Variants in COG5 observed in about 807,000 individuals in gnomAD.
The protein encoded by COG5 is component of oligomeric golgi complex 5.
In COG5, 86 loss-of-function variants were observed where a neutral mutation model predicts 110.4. That is an observed-to-expected ratio of 0.78 (90% confidence interval 0.65 to 0.93). The LOEUF (loss-of-function observed/expected upper bound fraction) is 0.93, where lower values mean the gene tolerates loss of function less well. Ranked by LOEUF, COG5 falls within the 40% of genes least tolerant of loss-of-function variation. The probability of loss-of-function intolerance (pLI) is 0.00; values close to 1 mark genes in which losing one functional copy is unlikely to be tolerated. For synonymous variants in COG5, 360 were observed against 334.6 expected, an observed-to-expected ratio of 1.08 and a Z score of -0.83; for missense variants, 1,077 against 987.0, an observed-to-expected ratio of 1.09 and a Z score of -1.22.
Position 107,248,513 on chromosome 7 carries a change from AGAAAG to A in COG5, c.1750-19_1750-15del. 5 of 1,526,692 alleles carry A rather than the reference AGAAAG, an allele frequency of 3.3e-6. No individual in the cohort carries two copies. The highest frequency in any genetic ancestry group is 2.7e-6 in the Non-Finnish European group (3 of 1,108,840). The allele number at this position is 1,526,692 out of a possible 1,614,324, so 94.6% of individuals were successfully genotyped here. A position where few individuals can be genotyped will look rare whatever the true frequency, so the allele number is the denominator to read the frequency against. On this transcript the variant is annotated splice_polypyrimidine_tract_variant and intron_variant, in intron 16 of 21. Transcript: ENST00000297135. ...AGCATGAATAGCCTAAAAAAAAAAAAGAAAGAAAAAAAAGAAGAGGCAAGATTAAA... is the reference window on the plus strand; with the variant it reads ...AGCATGAATAGCCTAAAAAAAAAAAAAAAAAAAAGAAGAGGCAAGATTAAA...
chr7:107,556,416 A>G (rs1803324712), intron 2 of COG5, among the ~76,000 whole-genome samples: 1 of 152,190 alleles, frequency 6.6e-6, no homozygotes, highest in South Asian at 2.1e-4. Flanking sequence ...CTAGGCCACT[A>G]CAACTTCTCC....
At chr7:107,498,559 C>A (rs1798421244) in intron 6 of COG5, among the ~76,000 whole-genome samples, 1 of 151,844 alleles carries the variant, frequency 6.6e-6, no homozygotes, top group South Asian at 2.1e-4. Flanking sequence ...TAATGCAAAT[C>A]GAAACCACAG....
intron 14 of COG5, among the ~76,000 whole-genome samples, chr7:107,277,181 G>A (rs993879432): frequency 6.6e-6 from 1 of 151,740 alleles, no homozygotes. Flanking sequence ...TAAAATGAAT[G>A]AGCAATTCAC....
At chr7:107,206,190 T>C (rs978231353) in intron 21 of COG5, among the ~76,000 whole-genome samples, 7 of 152,184 alleles carry the variant, frequency 4.6e-5, no homozygotes, top group African/African-American at 1.7e-4. Context: ...CTCGATCTCT[T>C]GACCTCGTGA....
At chr7:107,470,141 C>T (rs1796547699) in intron 6 of COG5, 1 of 152,160 alleles carries the variant, frequency 6.6e-6, no homozygotes, top group Non-Finnish European at 1.5e-5. Flanking sequence ...TAAATGTTGT[C>T]TCTGGAGACA....
chr7:107,274,536 C>A (rs1804544036), intron 14 of COG5, among the ~76,000 whole-genome samples: 1 of 152,088 alleles, frequency 6.6e-6, no homozygotes, highest in African/African-American at 2.4e-5. Context: ...CCAGGATAGG[C>A]TGCTGCAGGA....
At chr7:107,225,169 C>A (rs752651331) in intron 19 of COG5, among the ~76,000 whole-genome samples, 4 of 152,230 alleles carry the variant, frequency 2.6e-5, no homozygotes, top group Admixed American at 1.3e-4. Flanking sequence ...CCTGCAGCCA[C>A]TGCCCCTAAT....
At chr7:107,318,175 G>A (rs1030161131) in intron 11 of COG5, among the ~76,000 whole-genome samples, 4 of 152,012 alleles carry the variant, frequency 2.6e-5, no homozygotes, top group East Asian at 1.9e-4. Context: ...CTACAGACGC[G>A]TGCCACCACA....
Position 107,231,978 on chromosome 7 carries a change from T to C in COG5, c.2092-1287A>G, listed in dbSNP as rs899147509. On this transcript the variant is annotated intron_variant, in intron 18 of 21. Transcript: ENST00000297135. The stretch of plus-strand genomic sequence containing the variant: ...TTATTAAGCAAAATGATAAGTGCTA[T>C]GTCAAACTTATGACCTCAGTGTCGA... 2.6e-5 allele frequency among the ~76,000 whole-genome samples: 4 copies of C among 152,352 alleles called. No homozygotes were observed. The East Asian group carries it at 5.8e-4, about 22-fold the overall frequency.
intron 6 of COG5, among the ~76,000 whole-genome samples, chr7:107,513,909 A>T (rs1799726506): frequency 6.7e-6 from 1 of 148,286 alleles, no homozygotes; most frequent in African/African-American, 2.5e-5. Flanking sequence ...GGGGTGGGGG[A>T]AGAGGGGAGG....
chr7:107,508,963 C>G (rs942455822), intron 6 of COG5, among the ~76,000 whole-genome samples: 1 of 152,038 alleles, frequency 6.6e-6, no homozygotes, highest in African/African-American at 2.4e-5. Context: ...AAAGCAGAAA[C>G]ACTGGAAACC....
intron 6 of COG5, among the ~76,000 whole-genome samples, chr7:107,439,785 T>C (rs1389583116): frequency 5.3e-5 from 8 of 152,150 alleles, no homozygotes; most frequent in African/African-American, 9.6e-5. Context: ...CAAAAGGAAG[T>C]AGAAGTTTTG....
intron 6 of COG5, among the ~76,000 whole-genome samples, chr7:107,445,650 T>C (rs560276634): frequency 1.3e-5 from 2 of 152,296 alleles, no homozygotes; most frequent in Non-Finnish European, 2.9e-5. Flanking sequence ...CATTCTTTAG[T>C]GTAAATAGAA....
At chr7:107,490,109 T>C (rs182528768) in intron 6 of COG5, among the ~76,000 whole-genome samples, 1 of 152,224 alleles carries the variant, frequency 6.6e-6, no homozygotes, top group East Asian at 1.9e-4. Context: ...TTAAAAGGAA[T>C]GATTATGATT....
At chr7:107,447,727 C>T (rs1453920576) in intron 6 of COG5, among the ~76,000 whole-genome samples, 1 of 152,212 alleles carries the variant, frequency 6.6e-6, no homozygotes, top group African/African-American at 2.4e-5. Flanking sequence ...CCAGTTATTT[C>T]AAATTCAAGC....
chr7:107,366,239 G>A (rs537246591), intron 8 of COG5, among the ~76,000 whole-genome samples: 1 of 152,072 alleles, frequency 6.6e-6, no homozygotes, highest in East Asian at 1.9e-4. Flanking sequence ...ATAGGCAAGA[G>A]GAAATAATAC....
At chr7:107,294,863 G>A (rs1806480848) in intron 12 of COG5, among the ~76,000 whole-genome samples, 1 of 126,678 alleles carries the variant, frequency 7.9e-6, no homozygotes, top group Admixed American at 8.1e-5. Flanking sequence ...TTATAGGCAT[G>A]TGCCACCATG....
chr7:107,349,416 T>C (rs1216648712), intron 10 of COG5, among the ~76,000 whole-genome samples: 1 of 152,132 alleles, frequency 6.6e-6, no homozygotes, highest in African/African-American at 2.4e-5. Context: ...CTTTTTTTTT[T>C]GAGGCGGAGT....
rs1796821190 is a variant in COG5 at position 107,474,064 on chromosome 7, T to A, written c.538+53173A>T. The A allele has an allele frequency of 6.6e-7, 1 of 1,526,204 alleles. No homozygotes were observed. The highest frequency in any genetic ancestry group is 2.0e-5 in the Admixed American group (1 of 50,620). 94.5% of individuals were successfully genotyped at this position (1,526,204 alleles called of 1,614,324 possible). ...AAAAACCAACTGCTCCAAAAGAATG[T>A]GTTTTTCTCCCATTCTGGAAATCAA... On this transcript the variant is annotated intron_variant, in intron 6 of 21. Coordinates refer to ENST00000297135, the MANE Select transcript of COG5 (RefSeq NM_006348.5). The surrounding 1 kb of genome is among the most constrained non-coding windows in gnomAD (Gnocchi z 5.7).
Sources: allele counts gnomAD v4.1 joint callset (sites outside exome capture counted in the v4.1 genomes callset), GRCh38; gene constraint gnomAD v4.1.1; non-coding constraint Gnocchi (gnomAD v3.1); transcripts MANE v1.5; gene names NCBI Gene and HGNC (gene_info 2026-07-23, HGNC 2026-07-21).